SLC22A23: variants seen among roughly 807,000 people sequenced by gnomAD.
The protein encoded by SLC22A23 is solute carrier family 22 member 23.
In SLC22A23, 26 loss-of-function variants were observed where a neutral mutation model predicts 61.0. That is an observed-to-expected ratio of 0.43 (90% CI 0.31 to 0.59). SLC22A23 has a LOEUF of 0.59. Among genes scored for constraint, SLC22A23 ranks in the 20% least tolerant of loss-of-function variants. SLC22A23 has a pLI of 0.11. For missense variants in SLC22A23, 796 were observed against 934.7 expected, an observed-to-expected ratio of 0.85 and a Z score of 1.94; for synonymous variants, 430 against 413.9, an observed-to-expected ratio of 1.04 and a Z score of -0.47.
chr6:3,381,408 G>T (rs1411274073), intron 3 of SLC22A23, among the ~76,000 whole-genome samples: 1 of 152,184 alleles, frequency 6.6e-6, no homozygotes, highest in East Asian at 1.9e-4. Flanking sequence ...GCCATAGGTT[G>T]GGCAGGATCA....
rs1161998826 is a variant in SLC22A23, at chr6:3,318,332, GCCGATACCCCAA to G, written c.1082+5490_1082+5501del. ...TCACACACAAACCAACCCATCCAGA[GCCGATACCCCAA>G]CCACTTCCTGTGTCGGGCTCTCACA... On this transcript the variant is annotated intron_variant, in intron 4 of 9. Transcript: ENST00000406686. The surrounding 1 kb of genome is among the most constrained non-coding windows in gnomAD (Gnocchi z 4.3). 2.0e-5 allele frequency among the ~76,000 whole-genome samples: 3 copies of G among 152,126 alleles called. No homozygotes were observed. The East Asian group carries it at 5.8e-4, about 29-fold the overall frequency.
chr6:3,354,949 A>G, intron 3 of SLC22A23, among the ~76,000 whole-genome samples: 1 of 152,206 alleles, frequency 6.6e-6, no homozygotes, highest in South Asian at 2.1e-4. Flanking sequence ...GGGTGACAGT[A>G]TCTAACTCTG....
chr6:3,327,307 C>T lies in SLC22A23; in HGVS notation c.914-3305G>A, dbSNP rs1016141179. Among the ~76,000 whole-genome samples the T allele has an allele frequency of 6.6e-6, 1 of 152,210 alleles. No individual in the cohort carries two copies. Among genetic ancestry groups the T allele is most frequent in the African/African-American group, 2.4e-5 (1 of 41,452 alleles). Reference sequence around the variant, plus strand: ...AGGTGTCCACAGTGCCCGTGGAAGACCTTGGCTGGCAGCTGTGTCCCGGTA... The same window carrying T: ...AGGTGTCCACAGTGCCCGTGGAAGATCTTGGCTGGCAGCTGTGTCCCGGTA... On this transcript the variant is annotated intron_variant, in intron 3 of 9. Transcript: ENST00000406686. The surrounding 1 kb of genome is among the most constrained non-coding windows in gnomAD (Gnocchi z 4.1).
At chr6:3,389,952 C>T (rs1443334477) in intron 3 of SLC22A23, among the ~76,000 whole-genome samples, 1 of 152,224 alleles carries the variant, frequency 6.6e-6, no homozygotes, top group Non-Finnish European at 1.5e-5. Context: ...CTGATGTACC[C>T]ATCCTCCAAA....
chr6:3,436,646 C>A (rs555122463), intron 1 of SLC22A23, among the ~76,000 whole-genome samples: 1 of 152,276 alleles, frequency 6.6e-6, no homozygotes, highest in South Asian at 2.1e-4. Flanking sequence ...CACCGTGCAC[C>A]GCTCTGCCAG....
At chr6:3,376,274 C>T (rs1159952393) in intron 3 of SLC22A23, among the ~76,000 whole-genome samples, 3 of 152,196 alleles carry the variant, frequency 2.0e-5, no homozygotes, top group African/African-American at 4.8e-5. Flanking sequence ...ATTTGAGCAA[C>T]GCATCTGCCC....
intron 1 of SLC22A23, among the ~76,000 whole-genome samples, chr6:3,429,106 G>C (rs1021014860): frequency 6.6e-6 from 1 of 152,142 alleles, no homozygotes; most frequent in Non-Finnish European, 1.5e-5. Flanking sequence ...TGTGAACACA[G>C]TGCAAAATTA....
intron 3 of SLC22A23, among the ~76,000 whole-genome samples, chr6:3,382,772 T>A (rs1416776802): frequency 6.6e-6 from 1 of 152,240 alleles, no homozygotes; most frequent in Non-Finnish European, 1.5e-5. Flanking sequence ...ATATTTGCCA[T>A]CTGGGACATT....
At chr6:3,276,853 A>G (rs1444356226) in intron 9 of SLC22A23, 1 of 152,280 alleles carries the variant, frequency 6.6e-6, no homozygotes, top group Non-Finnish European at 1.5e-5. Flanking sequence ...GCTACAGAAC[A>G]GACTTTTGCT....
Position 3,317,343 on chromosome 6 carries a change from G to A in SLC22A23, c.1082+6491C>T, listed in dbSNP as rs896241177. Among the ~76,000 whole-genome samples, 3 of 152,162 alleles carry A rather than the reference G, an allele frequency of 2.0e-5. No individual in the cohort carries two copies. Among genetic ancestry groups the A allele is most frequent in the Non-Finnish European group, 2.9e-5 (2 of 68,030 alleles). On this transcript the variant is annotated intron_variant, in intron 4 of 9. Transcript: ENST00000406686. The surrounding 1 kb of genome is among the most constrained non-coding windows in gnomAD (Gnocchi z 4.4). ...AGTGCAGGCTGTGGCCACCTGGAAG[G>A]GGCACCTTTCCGCAGTGTGCACAAT...
chr6:3,319,545 G>T (rs751005829), intron 4 of SLC22A23, among the ~76,000 whole-genome samples: 1 of 152,204 alleles, frequency 6.6e-6, no homozygotes, highest in Non-Finnish European at 1.5e-5. Flanking sequence ...CTCTGGAGAT[G>T]TATCTAGAAT....
rs996275623 is a variant in SLC22A23 at position 3,427,081 on chromosome 6, C to T, written c.655-11226G>A. Among the ~76,000 whole-genome samples, 4 of 152,198 alleles carry T rather than the reference C, an allele frequency of 2.6e-5. No homozygotes were observed. Among genetic ancestry groups the T allele is most frequent in the Admixed American group, 6.5e-5 (1 of 15,280 alleles). Reference sequence around the variant, plus strand: ...GCAGGCTAAGAGCTCGGAGTTTGAGCCTGATAAGCCCCAGTTTTATTTCTA... The same window carrying T: ...GCAGGCTAAGAGCTCGGAGTTTGAGTCTGATAAGCCCCAGTTTTATTTCTA... On this transcript the variant is annotated intron_variant, in intron 1 of 9. Coordinates refer to ENST00000406686, the MANE Select transcript of SLC22A23 (RefSeq NM_015482.2). The surrounding 1 kb of genome is among the most constrained non-coding windows in gnomAD (Gnocchi z 4.3).
At chr6:3,435,839 G>A (rs1320841102) in intron 1 of SLC22A23, among the ~76,000 whole-genome samples, 1 of 152,124 alleles carries the variant, frequency 6.6e-6, no homozygotes, top group Non-Finnish European at 1.5e-5. Context: ...CTAATCCAAG[G>A]TGACTGGTGT....
chr6:3,394,739 C>T (rs1259673029), intron 3 of SLC22A23, among the ~76,000 whole-genome samples: 2 of 152,228 alleles, frequency 1.3e-5, no homozygotes, highest in Non-Finnish European at 2.9e-5. Context: ...CTCCACGTCG[C>T]TCTGAGGCCT....
intron 6 of SLC22A23, 90 bp from the exon 7 acceptor site, chr6:3,287,181 G>A: frequency 8.1e-7 from 1 of 1,229,818 alleles, no homozygotes; most frequent in South Asian, 1.4e-5. Flanking sequence ...CAGGTGACCA[G>A]GAGATGAAGA....
At chr6:3,428,943 A>C (rs1157264313) in intron 1 of SLC22A23, among the ~76,000 whole-genome samples, 1 of 151,028 alleles carries the variant, frequency 6.6e-6, no homozygotes, top group Admixed American at 6.6e-5. Flanking sequence ...AATGTGCATC[A>C]TGAGTCCTGA....
intron 1 of SLC22A23, among the ~76,000 whole-genome samples, chr6:3,437,964 G>A (rs992824057): frequency 2.6e-5 from 4 of 151,920 alleles, no homozygotes; most frequent in Non-Finnish European, 4.4e-5. Context: ...TCCAGAAACC[G>A]GTAAGCCCCA....
rs986095691 is a variant in SLC22A23 at position 3,444,887 on chromosome 6, G to A, written c.654+11019C>T. 23 of 985,572 alleles carry A rather than the reference G, an allele frequency of 2.3e-5. No homozygotes were observed. The East Asian group carries it at 7.9e-4, about 34-fold the overall frequency. The allele number at this position is 985,572 out of a possible 1,614,324, so 61.1% of individuals were successfully genotyped here. On this transcript the variant is annotated intron_variant, in intron 1 of 9. Transcript: ENST00000406686. Reference sequence around the variant, plus strand: ...CCTGGCAGCGCCCAAGGAATAAATCGCCCTTCCAGGTGTGGCCTTCAGCTC... The same window carrying A: ...CCTGGCAGCGCCCAAGGAATAAATCACCCTTCCAGGTGTGGCCTTCAGCTC...
intron 3 of SLC22A23, among the ~76,000 whole-genome samples, chr6:3,357,056 C>CAAAAAAAAAAA (rs66509026): frequency 1.2e-5 from 1 of 86,060 alleles, no homozygotes; most frequent in Admixed American, 1.4e-4. Flanking sequence ...AAAACAGAGC[C>CAAAAAAAAAAA]AAAAAAAAAA....
Sources: allele counts gnomAD v4.1 joint callset (sites outside exome capture counted in the v4.1 genomes callset), GRCh38; gene constraint gnomAD v4.1.1; non-coding constraint Gnocchi (gnomAD v3.1); transcripts MANE v1.5; gene names NCBI Gene and HGNC (gene_info 2026-07-23, HGNC 2026-07-21).